Variants in NEK1 observed in about 807,000 individuals in gnomAD.
NEK1 encodes the protein NIMA related kinase 1.
In NEK1, 137 loss-of-function variants were observed where a neutral mutation model predicts 182.1. The ratio of observed to expected loss-of-function variants is 0.75; its 90% CI spans 0.65 to 0.87. The LOEUF is 0.87. NEK1 is among the 40% of genes least tolerant of loss of function. NEK1 has a pLI of 0.00. For missense variants in NEK1, 1,391 were observed against 1,494.4 expected (o/e 0.93, Z 1.14); for synonymous variants, 513 against 492.2 (o/e 1.04, Z -0.56).
chr4:169,596,069 T>G (rs1002436805), intron 5 of NEK1, among the ~76,000 whole-genome samples: 10 of 152,144 alleles, frequency 6.6e-5, no homozygotes, highest in Non-Finnish European at 1.5e-4. Flanking sequence ...CTTGGCATAT[T>G]TGGAGATTCT....
intron 19 of NEK1, among the ~76,000 whole-genome samples, chr4:169,527,602 AAAAGT>A (rs1450670027): frequency 3.3e-5 from 5 of 152,156 alleles, no homozygotes; most frequent in African/African-American, 4.8e-5. Flanking sequence ...ACAGATTGTA[AAAAGT>A]AAAGTATGTA....
chr4:169,446,674 T>A (rs1396281255), intron 27 of NEK1, among the ~76,000 whole-genome samples: 1 of 151,794 alleles, frequency 6.6e-6, no homozygotes, highest in Non-Finnish European at 1.5e-5. Context: ...ACAGAAAAAA[T>A]TCAGAATCTT....
At chr4:169,491,328 A>T (rs1448391868) in intron 23 of NEK1, among the ~76,000 whole-genome samples, 2 of 152,090 alleles carry the variant, frequency 1.3e-5, no homozygotes, top group Non-Finnish European at 1.5e-5. Flanking sequence ...TTAAAACATT[A>T]AAAGTAAAAG....
chr4:169,543,610 A>G (rs1759842048), intron 18 of NEK1, among the ~76,000 whole-genome samples: 1 of 152,196 alleles, frequency 6.6e-6, no homozygotes, highest in Non-Finnish European at 1.5e-5. Context: ...GGTTCTTCCT[A>G]TCCATGAGCA....
chr4:169,552,068 T>C (rs1761504910), intron 18 of NEK1, among the ~76,000 whole-genome samples: 1 of 151,960 alleles, frequency 6.6e-6, no homozygotes, highest in South Asian at 2.1e-4. Context: ...ACAAAGACAA[T>C]AGTTTAAATT....
At position 169,428,351 on chromosome 4, in the gene NEK1, G is replaced by GAGATATATATATATATAT. The variant is rs71590009; in HGVS notation, c.2886-2118_2886-2117insATATATATATATATATCT. Among the ~76,000 whole-genome samples, 10 of 93,246 alleles carry GAGATATATATATATATAT rather than the reference G, an allele frequency of 1.1e-4. 1 individual carries two copies. The East Asian group carries it at 2.7e-3, about 26-fold the overall frequency. 61.2% of individuals were successfully genotyped at this position (93,246 alleles called of 152,430 possible). On this transcript the variant is annotated intron_variant, in intron 29 of 35. Coordinates refer to ENST00000507142, the MANE Select transcript of NEK1 (RefSeq NM_001199397.3). ...ACTGATGAATTATAAAAATATATGG[G>GAGATATATATATATATAT]ATATATATATATATATATATAATGG...
intron 27 of NEK1, among the ~76,000 whole-genome samples, chr4:169,443,714 T>G (rs1739974771): frequency 6.6e-6 from 1 of 151,672 alleles, no homozygotes; most frequent in African/African-American, 2.4e-5. Flanking sequence ...AAAAAGATCT[T>G]CCCAAGGCAC....
At chr4:169,540,702 G>A (rs1759264171) in intron 18 of NEK1, among the ~76,000 whole-genome samples, 1 of 151,982 alleles carries the variant, frequency 6.6e-6, no homozygotes, top group Non-Finnish European at 1.5e-5. Context: ...ATAAGAGGAT[G>A]ATAATATAAA....
intron 12 of NEK1, among the ~76,000 whole-genome samples, chr4:169,575,168 G>A (rs1236788127): frequency 1.3e-5 from 2 of 152,094 alleles, no homozygotes; most frequent in Non-Finnish European, 1.5e-5. Flanking sequence ...GAGATAAAAC[G>A]ATAAGATGGA....
chr4:169,555,626 G>A lies in NEK1; in HGVS notation c.1562+94C>T, dbSNP rs1762052597. On this transcript the variant is annotated intron_variant, in intron 18 of 35. Transcript: ENST00000507142. ...GCAAAAAACATCATATGTGAACAAT[G>A]GAGAAAACATCCACAAAGTGTAGGT... The A allele has an allele frequency of 3.3e-6, 5 of 1,514,444 alleles. 1 individual carries two copies. In the South Asian group the frequency reaches 5.7e-5, roughly 17 times the overall value. The allele number at this position is 1,514,444 out of a possible 1,614,324, so 93.8% of individuals were successfully genotyped here.
intron 23 of NEK1, among the ~76,000 whole-genome samples, chr4:169,492,241 G>A (rs1260531838): frequency 6.6e-6 from 1 of 152,152 alleles, no homozygotes; most frequent in Non-Finnish European, 1.5e-5. Context: ...TTGTGACTAC[G>A]GACATCTCAT....
chr4:169,608,628 T>A (rs1381682352), intron 2 of NEK1, among the ~76,000 whole-genome samples: 1 of 152,088 alleles, frequency 6.6e-6, no homozygotes, highest in African/African-American at 2.4e-5. Flanking sequence ...AATAAAAAAC[T>A]CGTACATATT....
At chr4:169,568,825 T>C (rs376570333) in intron 12 of NEK1, among the ~76,000 whole-genome samples, 2 of 151,322 alleles carry the variant, frequency 1.3e-5, no homozygotes, top group African/African-American at 2.4e-5. Flanking sequence ...TAATCCCAGC[T>C]ACTCGGGAGG....
chr4:169,484,565 G>A (rs1434612460), intron 23 of NEK1, among the ~76,000 whole-genome samples: 1 of 152,100 alleles, frequency 6.6e-6, no homozygotes, highest in African/African-American at 2.4e-5. Flanking sequence ...GTATGTTACA[G>A]AGAAAAAAAT....
chr4:169,533,304 T>C (rs1009442661), intron 19 of NEK1, among the ~76,000 whole-genome samples: 4 of 152,322 alleles, frequency 2.6e-5, no homozygotes, highest in Middle Eastern at 6.8e-3. Context: ...TCACTCTCAC[T>C]GAAAACTGCA....
At chr4:169,411,874 A>T (rs1186897347) in intron 31 of NEK1, among the ~76,000 whole-genome samples, 1 of 152,194 alleles carries the variant, frequency 6.6e-6, no homozygotes, top group Non-Finnish European at 1.5e-5. Context: ...CTGCATTATG[A>T]AGGCATGTAT....
At chr4:169,574,886 G>A (rs1765449899) in intron 12 of NEK1, among the ~76,000 whole-genome samples, 1 of 152,138 alleles carries the variant, frequency 6.6e-6, no homozygotes, top group Admixed American at 6.5e-5. Flanking sequence ...AAGCAAAAAA[G>A]GTGAAGACAT....
At chr4:169,568,608 G>A (rs887788633) in intron 12 of NEK1, among the ~76,000 whole-genome samples, 1 of 152,038 alleles carries the variant, frequency 6.6e-6, no homozygotes, top group Non-Finnish European at 1.5e-5. Context: ...AACTTTCTGA[G>A]CTATATTAAA....
At chr4:169,405,238 T>C (rs1291477780) in intron 32 of NEK1, among the ~76,000 whole-genome samples, 1 of 152,212 alleles carries the variant, frequency 6.6e-6, no homozygotes, top group Non-Finnish European at 1.5e-5. Flanking sequence ...GGCTACAAAG[T>C]AGAGCCTGTT....
Sources: allele counts gnomAD v4.1 joint callset (sites outside exome capture counted in the v4.1 genomes callset), GRCh38; gene constraint gnomAD v4.1.1; transcripts MANE v1.5; gene names NCBI Gene and HGNC (gene_info 2026-07-23, HGNC 2026-07-21).